Variants in ZFP57 observed in about 807,000 individuals in gnomAD.
The protein encoded by ZFP57 is ZFP57 zinc finger protein.
ZFP57 carries 12 observed loss-of-function variants against 15.8 expected under a neutral mutation model. The observed-to-expected ratio is 0.76, with a 90% CI of 0.49 to 1.23. ZFP57 has a LOEUF of 1.23. Among genes scored for constraint, ZFP57 ranks in the 50% most tolerant of loss-of-function variants. The probability of loss-of-function intolerance (pLI) is 0.00; values close to 1 mark genes in which losing one functional copy is unlikely to be tolerated. For missense variants in ZFP57, 536 were observed against 654.9 expected (o/e 0.82, Z 1.98); for synonymous variants, 203 against 242.3 (o/e 0.84, Z 1.51).
At chr6:29,675,796 T>C in intron 3 of ZFP57, 137 bp downstream of exon 3, 2 of 1,099,590 alleles carry the variant, frequency 1.8e-6, no homozygotes. Context: ...GCTTAGTGAC[T>C]CAGATCTTTC....
At position 29,677,150 on chromosome 6, in the gene ZFP57, C is replaced by T. The variant is rs1772117134; in HGVS notation, c.-147G>A. On this transcript the variant is annotated 5_prime_UTR_variant, in exon 2 of 5. Transcript: ENST00000376883. ...AAGGCCCCAGGGTTTGATGTGGCTT[C>T]CTGTGACAAATGTATCTGCTCCAAG... is the stretch of plus-strand genomic sequence containing the variant. 5 of 1,077,972 alleles carry T rather than the reference C, an allele frequency of 4.6e-6. No homozygotes were observed. The allele number at this position is 1,077,972 out of a possible 1,614,324, so 66.8% of individuals were successfully genotyped here.
chr6:29,672,643 G>A lies in ZFP57; in HGVS notation c.1468C>T (p.Pro490Ser), dbSNP rs1247421177. The change falls in exon 5 of 5, where the codon CCC becomes TCC. Residue 490 changes from proline (P) to serine (S), a missense_variant. By Grantham distance (74) the Pro-to-Ser change is moderately conservative (BLOSUM62 -1). Transcript: ENST00000376883. ...TTCCATTCCTCCCCAGCCATAGTGG[G>A]GACATCATGAGAGAAGCCAAGCCAC... is the stretch of plus-strand genomic sequence containing the variant. ...GQWLGFSHDV[P>S]TMAGEEWKHG... The A allele has an allele frequency of 1.2e-6, 2 of 1,611,270 alleles. No individual in the cohort carries two copies. Among genetic ancestry groups the A allele is most frequent in the South Asian group, 2.2e-5 (2 of 91,070 alleles).
chr6:29,679,162 C>T (rs973778997), intron 1 of ZFP57, among the ~76,000 whole-genome samples: 1 of 152,210 alleles, frequency 6.6e-6, no homozygotes, highest in Non-Finnish European at 1.5e-5. Context: ...TCAGGGCTCA[C>T]AATGAGCCCA....
chr6:29,674,144 AAGAAGGAGAAGGAGAAG>A (rs1771934776), intron 4 of ZFP57, among the ~76,000 whole-genome samples: 1 of 151,092 alleles, frequency 6.6e-6, no homozygotes, highest in African/African-American at 2.4e-5. Flanking sequence ...GGAGAAGGAG[AAGAAGGAGAAGGAGAAG>A]AGAAGGAGAA....
At chr6:29,678,756 A>G (rs1056486152) in intron 1 of ZFP57, among the ~76,000 whole-genome samples, 1 of 152,228 alleles carries the variant, frequency 6.6e-6, no homozygotes, top group Non-Finnish European at 1.5e-5. Context: ...TAGTGTATAC[A>G]GGGTTTGGTA....
At position 29,672,522 on chromosome 6, in the gene ZFP57, A is replaced by C; in HGVS notation, c.1589T>G (p.Val530Gly). Residue 530 changes from valine (V) to glycine (G), a missense_variant, in exon 5 of 5, where the codon GTG becomes GGG. Physicochemically the swap from Val to Gly is moderately radical, Grantham distance 109. Coordinates refer to ENST00000376883, the MANE Select transcript of ZFP57 (RefSeq NM_001109809.5). ...CATTTATTTATGTTTCAAGATGCTC[A>C]CTGCCTCCTTTGTTTTGTCTCCTTT... ...ACKGDKTKEA[V>G]SILKHK The C allele has an allele frequency of 6.2e-7, 1 of 1,612,974 alleles. No individual in the cohort carries two copies.
intron 4 of ZFP57, among the ~76,000 whole-genome samples, chr6:29,674,155 G>A (rs1185323168): frequency 6.9e-6 from 1 of 144,736 alleles, no homozygotes; most frequent in Non-Finnish European, 1.5e-5. Context: ...AGAAGGAGAA[G>A]GAGAAGAGAA....
At chr6:29,678,533 T>TCTTAAGACAAATTCTTTC (rs898325105) in intron 1 of ZFP57, among the ~76,000 whole-genome samples, 3 of 152,220 alleles carry the variant, frequency 2.0e-5, no homozygotes, top group African/African-American at 7.2e-5. Flanking sequence ...AAAATTCTTG[T>TCTTAAGACAAATTCTTTC]CTTAAGGAAA....
Position 29,673,245 on chromosome 6 carries a change from C to G in ZFP57, c.866G>C (p.Gly289Ala). 5 of 1,613,082 alleles carry G rather than the reference C, an allele frequency of 3.1e-6. No homozygotes were observed. The South Asian group carries it at 5.5e-5, about 18-fold the overall frequency. Residue 289 changes from glycine to alanine, a missense_variant, in exon 5 of 5, where the codon GGA becomes GCA. Transcript: ENST00000376883. The surrounding 1 kb of genome is among the most constrained non-coding windows in gnomAD (Gnocchi z 4.7). ...KIHQNQEPVD[G>A]NQECTLRIPG... ...AATCCTCAAAGTACACTCCTGGTTTCCATCCACTGGCTCCTGGTTTTGGTG... is the reference window on the plus strand; with the variant it reads ...AATCCTCAAAGTACACTCCTGGTTTGCATCCACTGGCTCCTGGTTTTGGTG...
Position 29,676,971 on chromosome 6 carries a change from T to C in ZFP57, c.33A>G (p.Val11=). The C allele has an allele frequency of 6.2e-7, 1 of 1,614,242 alleles. No individual in the cohort carries two copies. The highest frequency in any genetic ancestry group is 8.5e-7 in the Non-Finnish European group (1 of 1,180,036). The change falls in exon 2 of 5, where the codon GTA becomes GTG. Residue 11 remains valine (V), a synonymous_variant. Coordinates refer to ENST00000376883, the MANE Select transcript of ZFP57 (RefSeq NM_001109809.5). MFEQLKPIEP[V]QKTLPWVGEV... Reference sequence around the variant, plus strand: ...CGCCCACCCATGGGAGCGTCTTCTGTACAGGTTCGATTGGCTTCAGCTGTT... The same window carrying C: ...CGCCCACCCATGGGAGCGTCTTCTGCACAGGTTCGATTGGCTTCAGCTGTT...
At position 29,673,806 on chromosome 6, in the gene ZFP57, A is replaced by C; in HGVS notation, c.353-48T>G. 1 of 1,610,008 alleles carries C rather than the reference A, an allele frequency of 6.2e-7. No individual in the cohort carries two copies. The highest frequency in any genetic ancestry group is 8.5e-7 in the Non-Finnish European group (1 of 1,177,722). On this transcript the variant is annotated intron_variant, in intron 4 of 4. Coordinates refer to ENST00000376883, the MANE Select transcript of ZFP57 (RefSeq NM_001109809.5). This position sits in a 1 kb window ranked among gnomAD's most constrained non-coding sequence, Gnocchi z 4.7. ...ACACAAAATTCACTGTAAGAACTCC[A>C]ACAGAGGCTTGGCATGGTGGCTCAC...
Position 29,677,004 on chromosome 6 carries a change from C to A in ZFP57, c.-1G>T. On this transcript the variant is annotated 5_prime_UTR_variant, in exon 2 of 5. Coordinates refer to ENST00000376883, the MANE Select transcript of ZFP57 (RefSeq NM_001109809.5). ...CGATTGGCTTCAGCTGTTCAAACAT[C>A]TTCTCTTCTGTGGTGTCTCTTTCTA... 1 of 1,614,168 alleles carries A rather than the reference C, an allele frequency of 6.2e-7. No individual in the cohort carries two copies. Among genetic ancestry groups the A allele is most frequent in the Non-Finnish European group, 8.5e-7 (1 of 1,180,018 alleles).
chr6:29,673,847 A>G lies in ZFP57; in HGVS notation c.353-89T>C, dbSNP rs1469109132. On this transcript the variant is annotated intron_variant, in intron 4 of 4. Transcript: ENST00000376883. The surrounding 1 kb of genome is among the most constrained non-coding windows in gnomAD (Gnocchi z 4.7). ...GGTGGCTCACACCTGTAATCCCAGC[A>G]CTTTGGGAGGCCGAGGCCAGCGGAT... is the stretch of plus-strand genomic sequence containing the variant. 1 of 1,532,534 alleles carries G rather than the reference A, an allele frequency of 6.5e-7. No individual in the cohort carries two copies. Among genetic ancestry groups the G allele is most frequent in the Non-Finnish European group, 9.0e-7 (1 of 1,110,394 alleles). The allele number at this position is 1,532,534 out of a possible 1,614,324, so 94.9% of individuals were successfully genotyped here.
intron 2 of ZFP57, among the ~76,000 whole-genome samples, chr6:29,676,319 C>T (rs1393216504): frequency 3.9e-5 from 6 of 151,968 alleles, no homozygotes; most frequent in African/African-American, 9.7e-5. Flanking sequence ...AGGCAGATCA[C>T]GAGGTCGGGA....
In ZFP57 at chr6:29,673,627, T is replaced by C. The variant is rs968875761; in HGVS notation, c.484A>G (p.Arg162Gly). The change falls in exon 5 of 5, where the codon AGG becomes GGG. Residue 162 changes from arginine (R) to glycine (G), a missense_variant. Coordinates refer to ENST00000376883, the MANE Select transcript of ZFP57 (RefSeq NM_001109809.5). This position sits in a 1 kb window ranked among gnomAD's most constrained non-coding sequence, Gnocchi z 4.7. ...PLSAPAGTMDRTRVLQASQAG... is the reference protein window; with the variant it reads ...PLSAPAGTMDGTRVLQASQAG... ...TGGGATGCTTGAAGCACCCGGGTCC[T>C]GTCCATAGTCCCAGCTGGGGCAGAT... 2 of 1,612,814 alleles carry C rather than the reference T, an allele frequency of 1.2e-6. No individual in the cohort carries two copies. Among genetic ancestry groups the C allele is most frequent in the African/African-American group, 1.3e-5 (1 of 74,950 alleles).
chr6:29,678,461 G>A (rs1216419603), intron 1 of ZFP57, among the ~76,000 whole-genome samples: 2 of 152,078 alleles, frequency 1.3e-5, no homozygotes, highest in South Asian at 2.1e-4. Context: ...TGACCCAAAA[G>A]CACAAGAGTA....
At position 29,672,814 on chromosome 6, in the gene ZFP57, T is replaced by C. The variant is rs754707433; in HGVS notation, c.1297A>G (p.Thr433Ala). Residue 433 changes from threonine to alanine, a missense_variant, in exon 5 of 5, where the codon ACC (threonine) becomes GCC (alanine). Transcript: ENST00000376883. ...SFSRLVRHQQ[T>A]HWKQKSYLCP... Reference sequence around the variant, plus strand: ...AGGTAGCTCTTCTGCTTCCAGTGGGTCTGCTGGTGTCTGACCAGCCTGGAA... The same window carrying C: ...AGGTAGCTCTTCTGCTTCCAGTGGGCCTGCTGGTGTCTGACCAGCCTGGAA... 4 of 1,613,086 alleles carry C rather than the reference T, an allele frequency of 2.5e-6. No homozygotes were observed. The highest frequency in any genetic ancestry group is 3.4e-6 in the Non-Finnish European group (4 of 1,180,032).
intron 3 of ZFP57, 148 bp from the exon 4 acceptor site, chr6:29,675,635 G>C: frequency 1.3e-6 from 1 of 784,430 alleles, no homozygotes; most frequent in Non-Finnish European, 2.2e-6. Context: ...TAAAAGGCCA[G>C]CTGCTAGCAA....
intron 1 of ZFP57, among the ~76,000 whole-genome samples, chr6:29,679,100 T>C (rs1030512183): frequency 1.5e-4 from 23 of 152,214 alleles, no homozygotes; most frequent in Non-Finnish European, 8.8e-5. Context: ...AACCACTGTA[T>C]ATACAGATCT....
Sources: gnomAD v4.1 joint callset for allele counts (sites outside exome capture counted in the v4.1 genomes callset) on GRCh38, gnomAD v4.1.1 for gene constraint, Gnocchi (gnomAD v3.1) non-coding constraint, MANE v1.5 for transcripts, NCBI Gene and HGNC (gene_info 2026-07-23, HGNC 2026-07-21) for gene names.